Variants in CAT observed in about 807,000 individuals in gnomAD.
The protein encoded by CAT is epididymis secretory sperm binding protein.
Under a neutral mutation model 59.0 loss-of-function variants are expected in CAT, and 43 were observed. The observed-to-expected ratio is 0.73, with a 90% CI of 0.57 to 0.94. The LOEUF is 0.94. Among genes scored for constraint, CAT ranks in the 40% least tolerant of loss-of-function variants. The pLI, the probability that CAT is intolerant of heterozygous loss-of-function variation, is 0.00. For synonymous variants in CAT, 218 were observed against 230.9 expected (o/e 0.94, Z 0.51); for missense variants, 664 against 682.9 (o/e 0.97, Z 0.31).
At chr11:34,442,668 G>C (rs1856405335) in intron 1 of CAT, among the ~76,000 whole-genome samples, 1 of 152,228 alleles carries the variant, frequency 6.6e-6, no homozygotes, top group African/African-American at 2.4e-5. Flanking sequence ...GAGGTTGAAG[G>C]AGGTGGGTGG....
rs756741075 is a variant in CAT, at chr11:34,471,456, A to G, written c.*23A>G. 3 of 1,601,194 alleles carry G rather than the reference A, an allele frequency of 1.9e-6. No homozygotes were observed. Among genetic ancestry groups the G allele is most frequent in the East Asian group, 4.5e-5 (2 of 44,818 alleles). ...TGAGGCCGGGGCCCTGCACCTGTGC[A>G]GCGAAGCTTAGCGTTCATCCGTGTA... On this transcript the variant is annotated 3_prime_UTR_variant, in exon 13 of 13. Transcript: ENST00000241052.
chr11:34,460,014 G>A (rs1278159430), intron 8 of CAT, among the ~76,000 whole-genome samples: 1 of 152,110 alleles, frequency 6.6e-6, no homozygotes, highest in African/African-American at 2.4e-5. Context: ...TAAGTCTGTT[G>A]GTATCAGTGA....
chr11:34,450,959 G>C (rs1856517133), intron 2 of CAT, 29 bp from the exon 3 acceptor site: 1 of 1,437,278 alleles, frequency 7.0e-7, no homozygotes, highest in South Asian at 1.1e-5. Context: ...ATGGTCTCAT[G>C]GTAAGGATTT....
chr11:34,464,351 C>T, intron 10 of CAT, 116 bp downstream of exon 10: 1 of 1,065,238 alleles, frequency 9.4e-7, no homozygotes, highest in Non-Finnish European at 1.4e-6. Context: ...AAATTGAATT[C>T]AAGGAAGACT....
chr11:34,456,895 A>T (rs1168220411), intron 8 of CAT, 78 bp downstream of exon 8: 1 of 1,443,566 alleles, frequency 6.9e-7, no homozygotes, highest in Non-Finnish European at 9.7e-7. Context: ...GCTTGGCATG[A>T]TCTTTATGTG....
At chr11:34,442,931 G>A (rs17883592) in intron 1 of CAT, among the ~76,000 whole-genome samples, 3,306 of 152,184 alleles carry the variant, frequency 0.022, 126 homozygotes, top group African/African-American at 0.076. Flanking sequence ...TATCCAAAGC[G>A]TACATTTCAT....
chr11:34,460,460 T>C (rs1423358465), intron 8 of CAT, among the ~76,000 whole-genome samples: 1 of 147,190 alleles, frequency 6.8e-6, no homozygotes, highest in Non-Finnish European at 1.5e-5. Flanking sequence ...TTTTTTTTTT[T>C]TTTTTTTTTT....
chr11:34,454,885 TA>T (rs1284381413), intron 6 of CAT, among the ~76,000 whole-genome samples: 1 of 152,196 alleles, frequency 6.6e-6, no homozygotes, highest in Non-Finnish European at 1.5e-5. Context: ...GGCATAGTAT[TA>T]AAAGTTCTTT....
intron 7 of CAT, among the ~76,000 whole-genome samples, 168 bp from the exon 8 acceptor site, chr11:34,456,497 C>G (rs1856591351): frequency 6.6e-6 from 1 of 152,196 alleles, no homozygotes; most frequent in African/African-American, 2.4e-5. Context: ...TTACCACTTA[C>G]TATTGTGAAA....
intron 9 of CAT, among the ~76,000 whole-genome samples, chr11:34,461,659 A>G (rs1856653613): frequency 6.6e-6 from 1 of 152,248 alleles, no homozygotes; most frequent in Admixed American, 6.5e-5. Context: ...AAAAGCAGGG[A>G]GAAAGATCTT....
At chr11:34,439,261 C>T (rs1465552283) in intron 1 of CAT, among the ~76,000 whole-genome samples, 182 bp downstream of exon 1, 2 of 152,108 alleles carry the variant, frequency 1.3e-5, no homozygotes, top group African/African-American at 4.8e-5. Flanking sequence ...GGAGGGGGGT[C>T]CGGGTAGTGG....
rs1856665736 is a variant in CAT at position 34,462,855 on chromosome 11, A to G, written c.1196-1250A>G. Among the ~76,000 whole-genome samples, 3 of 152,246 alleles carry G rather than the reference A, an allele frequency of 2.0e-5. No individual in the cohort carries two copies. The South Asian group carries it at 6.2e-4, about 31-fold the overall frequency. ...CTCATTTGGAAGTAGGATTTTAAAA[A>G]TTAACTAGGCACATTTCAAAGAGCT... On this transcript the variant is annotated intron_variant, in intron 9 of 12. Coordinates refer to ENST00000241052, the MANE Select transcript of CAT (RefSeq NM_001752.4).
intron 3 of CAT, among the ~76,000 whole-genome samples, chr11:34,451,486 A>C (rs1856523032): frequency 6.6e-6 from 1 of 152,234 alleles, no homozygotes; most frequent in South Asian, 2.1e-4. Flanking sequence ...TCTGATTTGT[A>C]GATCTACTTT....
intron 1 of CAT, 22 bp downstream of exon 1, chr11:34,439,101 CGGGCCCGAA>C (rs772046658): frequency 6.4e-7 from 1 of 1,568,342 alleles, no homozygotes; most frequent in Non-Finnish European, 8.6e-7. Context: ...GCTCCCCGAG[CGGGCCCGAA>C]GGTCCGTTTA....
rs965524241 is a variant in CAT, at chr11:34,461,118, C to A, written c.1057-133C>A. 5 of 972,760 alleles carry A rather than the reference C, an allele frequency of 5.1e-6. No homozygotes were observed. In the African/African-American group the frequency reaches 8.0e-5, roughly 16 times the overall value. The allele number at this position is 972,760 out of a possible 1,614,324, so 60.3% of individuals were successfully genotyped here. On this transcript the variant is annotated intron_variant, in intron 8 of 12. Transcript: ENST00000241052. The stretch of plus-strand genomic sequence containing the variant: ...GAGTAGAGGCTTCACTCTTAAGTAG[C>A]GGGAAAGGCAGAATTTTGTGGTAAC...
chr11:34,452,316 C>T (rs562837578), intron 4 of CAT, 109 bp downstream of exon 4: 12 of 1,047,108 alleles, frequency 1.1e-5, no homozygotes, highest in South Asian at 3.9e-5. Context: ...GAAAAGAATG[C>T]GAGTTGTCTG....
intron 1 of CAT, 100 bp from the exon 2 acceptor site, chr11:34,449,092 G>A: frequency 9.7e-7 from 1 of 1,029,338 alleles, no homozygotes; most frequent in East Asian, 2.4e-5. Flanking sequence ...AAAAAAGAGG[G>A]CAGATGGTAT....
rs768119395 is a variant in CAT, at chr11:34,439,072, C to A, written c.59C>A (p.Ala20Asp). The change falls in exon 1 of 13, where the codon GCC (alanine) becomes GAC (aspartate). Residue 20 changes from alanine (A) to aspartate (D), a missense_variant. Ala to Asp is a moderately radical substitution (Grantham distance 126). Coordinates refer to ENST00000241052, the MANE Select transcript of CAT (RefSeq NM_001752.4). The stretch of plus-strand genomic sequence containing the variant: ...ATGCAGCACTGGAAGGAGCAGCGGG[C>A]CGCGCAGGTACACTCTGTGCTCCCC... ...DQMQHWKEQR[A>D]AQKADVLTTG... is the part of the protein sequence containing the mutation. The A allele has an allele frequency of 2.5e-6, 4 of 1,590,188 alleles. No individual in the cohort carries two copies. The highest frequency in any genetic ancestry group is 3.4e-6 in the Non-Finnish European group (4 of 1,168,354).
intron 11 of CAT, 123 bp downstream of exon 11, chr11:34,468,518 A>G: frequency 1.4e-6 from 1 of 713,334 alleles, no homozygotes; most frequent in East Asian, 2.7e-5. Flanking sequence ...CTTAAAAAAA[A>G]AAAAATAAAC....
Sources: gnomAD v4.1 joint callset for allele counts (sites outside exome capture counted in the v4.1 genomes callset) on GRCh38, gnomAD v4.1.1 for gene constraint, MANE v1.5 for transcripts, NCBI Gene and HGNC (gene_info 2026-07-23, HGNC 2026-07-21) for gene names.